The following PSMD8 variants were observed in gnomAD, a reference collection of about 807,000 sequenced individuals.
PSMD8 encodes the protein proteasome 26S subunit, non-ATPase 8, also known as 26S proteasome non-ATPase regulatory subunit 8.
A neutral mutation model predicts 40.0 loss-of-function variants in PSMD8; 30 were observed. The ratio of observed to expected loss-of-function variants is 0.75; its 90% CI spans 0.56 to 1.02. The LOEUF (loss-of-function observed/expected upper bound fraction) is 1.02. Ranked by LOEUF, PSMD8 falls within the 50% of genes least tolerant of loss-of-function variation. PSMD8 has a pLI of 0.00. For synonymous variants in PSMD8, 208 were observed against 192.5 expected (o/e 1.08, Z -0.67); for missense variants, 461 against 463.9 (o/e 0.99, Z 0.06).
At chr19:38,378,954 A>C (rs1222851845) in intron 3 of PSMD8, among the ~76,000 whole-genome samples, 1 of 152,230 alleles carries the variant, frequency 6.6e-6, no homozygotes, top group Non-Finnish European at 1.5e-5. Context: ...CTCCTTCTCA[A>C]AAAATAAATA....
At chr19:38,375,596 G>T (rs946621412) in intron 1 of PSMD8, 1 of 175,546 alleles carries the variant, frequency 5.7e-6, no homozygotes, top group African/African-American at 2.4e-5. Context: ...TGTTGGGAGA[G>T]GGGGCAGCCT....
Position 38,383,279 on chromosome 19 carries a change from C to A in PSMD8, c.942C>A (p.Asn314Lys), listed in dbSNP as rs1405026581. 1 of 1,613,306 alleles carries A rather than the reference C, an allele frequency of 6.2e-7. No homozygotes were observed. The highest frequency in any genetic ancestry group is 1.1e-5 in the South Asian group (1 of 91,046). ...GAGGGTGGGTCCTGGGCCCCAACAA[C>A]TACTACAGTTTTGCCAGCCAGCAGC... ...KKRGWVLGPN[N>K]YYSFASQQQK... The change falls in exon 7 of 7, where the codon AAC (asparagine) becomes AAA (lysine). Residue 314 changes from asparagine to lysine, a missense_variant. By Grantham distance (94) the Asn-to-Lys change is moderately conservative (BLOSUM62 0). Around this residue, in one of 2 missense-constraint regions of PSMD8, gnomAD observed 236 missense variants for 321.2 expected, o/e 0.73. Transcript: ENST00000215071.
chr19:38,376,885 C>T lies in PSMD8; in HGVS notation c.536+431C>T, dbSNP rs866546206. 2.0e-5 allele frequency among the ~76,000 whole-genome samples: 3 copies of T among 152,234 alleles called. 1 individual carries two copies. The South Asian group carries it at 6.2e-4, about 32-fold the overall frequency. Reference sequence around the variant, plus strand: ...GCAGTTCCAGCTCACACCCCTCTGCCTGTGCCTGCTCATCCCAGCCCTTTC... The same window carrying T: ...GCAGTTCCAGCTCACACCCCTCTGCTTGTGCCTGCTCATCCCAGCCCTTTC... On this transcript the variant is annotated intron_variant, in intron 3 of 6. Transcript: ENST00000215071.
At position 38,381,057 on chromosome 19, in the gene PSMD8, A is replaced by G. The variant is rs1224110170; in HGVS notation, c.803+58A>G. 3.8e-6 allele frequency: 5 copies of G among 1,319,534 alleles called. No individual in the cohort carries two copies. The African/African-American group carries it at 7.4e-5, about 20-fold the overall frequency. 81.7% of individuals were successfully genotyped at this position (1,319,534 alleles called of 1,614,324 possible). A position where few individuals can be genotyped will look rare whatever the true frequency, so the allele number is the denominator to read the frequency against. ...GAAAGAACTTGGGCTTGAGTCGGAC[A>G]GCTCCGAGTCTGAATCTCATTCCAG... is the stretch of plus-strand genomic sequence containing the variant. On this transcript the variant is annotated intron_variant, in intron 5 of 6. Transcript: ENST00000215071.
intron 3 of PSMD8, among the ~76,000 whole-genome samples, chr19:38,376,779 T>A (rs1350869377): frequency 1.3e-5 from 2 of 152,234 alleles, no homozygotes; most frequent in African/African-American, 4.8e-5. Flanking sequence ...AATTTGACAC[T>A]GTCCATACCC....
chr19:38,375,120 A>T (rs951602182), intron 1 of PSMD8, 159 bp downstream of exon 1: 26 of 1,237,138 alleles, frequency 2.1e-5, no homozygotes, highest in Non-Finnish European at 2.7e-5. Context: ...GGAACAGCCA[A>T]AGTGGGGGCT....
rs774765995 is a variant in PSMD8 at position 38,374,844 on chromosome 19, G to A, written c.243G>A (p.Ala81=). 9.5e-6 allele frequency: 15 copies of A among 1,578,770 alleles called. No homozygotes were observed. The Admixed American group carries it at 2.6e-4, about 28-fold the overall frequency. The part of the protein sequence containing the change: ...GAAGFSSSGP[A]ATSGAVLQAA... ...CAGGCTTCTCGAGCTCCGGGCCCGC[G>A]GCAACCTCGGGCGCTGTTCTGCAGG... Residue 81 remains alanine (A), a synonymous_variant, in exon 1 of 7, where the codon GCG becomes GCA. Transcript: ENST00000215071.
intron 3 of PSMD8, among the ~76,000 whole-genome samples, chr19:38,377,780 C>T (rs1445429472): frequency 1.3e-5 from 2 of 152,156 alleles, no homozygotes; most frequent in Non-Finnish European, 2.9e-5. Flanking sequence ...GCTGGTATTA[C>T]AGGTGCCCAC....
chr19:38,376,912 C>T (rs1353253927), intron 3 of PSMD8, among the ~76,000 whole-genome samples: 1 of 152,256 alleles, frequency 6.6e-6, no homozygotes, highest in Non-Finnish European at 1.5e-5. Context: ...AGCCCTTTCT[C>T]TCACTGGACT....
intron 1 of PSMD8, chr19:38,375,240 C>A: frequency 2.1e-6 from 1 of 482,856 alleles, no homozygotes; most frequent in Non-Finnish European, 3.7e-6. Flanking sequence ...CCCAGGAGTT[C>A]AAGATCAGCC....
intron 3 of PSMD8, 54 bp from the exon 4 acceptor site, chr19:38,379,186 G>A (rs1025014496): frequency 4.5e-6 from 7 of 1,561,330 alleles, no homozygotes; most frequent in Non-Finnish European, 6.1e-6. Flanking sequence ...GGGGTAGAGG[G>A]CTCGCTAGGC....
At chr19:38,375,130 T>A in intron 1 of PSMD8, 169 bp downstream of exon 1, 1 of 1,145,024 alleles carries the variant, frequency 8.7e-7, no homozygotes, top group Non-Finnish European at 1.2e-6. Context: ...AAGTGGGGGC[T>A]CGGAGGGCGT....
intron 1 of PSMD8, 111 bp downstream of exon 1, chr19:38,375,072 C>T: frequency 2.0e-6 from 3 of 1,468,656 alleles, no homozygotes; most frequent in Non-Finnish European, 2.7e-6. Context: ...GCCAGCGAGA[C>T]TGAGGCGGGC....
At chr19:38,378,440 A>G (rs1970614296) in intron 3 of PSMD8, among the ~76,000 whole-genome samples, 1 of 150,900 alleles carries the variant, frequency 6.6e-6, no homozygotes, top group Non-Finnish European at 1.5e-5. Context: ...CCGAGGAGGC[A>G]GAGCCTGCAG....
Position 38,379,273 on chromosome 19 carries a change from G to C in PSMD8, c.570G>C (p.Gln190His). 6.2e-7 allele frequency: 1 copy of C among 1,613,936 alleles called. No homozygotes were observed. Among genetic ancestry groups the C allele is most frequent in the Non-Finnish European group, 8.5e-7 (1 of 1,179,872 alleles). ...TCCCCGAGTCAGCCTATATGCACCA[G>C]CTCTTGGGCCTCAACCTCCTCTTCC... ...EQLPESAYMH[Q>H]LLGLNLLFLL... is the part of the protein sequence containing the mutation. Residue 190 changes from glutamine (Q) to histidine (H), a missense_variant, in exon 4 of 7, where the codon CAG becomes CAC. Gln to His is a conservative substitution (Grantham distance 24, BLOSUM62 0). Transcript: ENST00000215071.
chr19:38,375,162 G>T (rs1382277801), intron 1 of PSMD8: 5 of 913,942 alleles, frequency 5.5e-6, no homozygotes, highest in Non-Finnish European at 8.0e-6. Flanking sequence ...AGAGGGACAG[G>T]GAGCGTTGAT....
At chr19:38,375,097 G>C in intron 1 of PSMD8, 136 bp downstream of exon 1, 2 of 1,397,314 alleles carry the variant, frequency 1.4e-6, no homozygotes, top group Non-Finnish European at 1.9e-6. Flanking sequence ...GGATCCGATG[G>C]GGTGAAAGAT....
chr19:38,374,829 G>T lies in PSMD8; in HGVS notation c.228G>T (p.Ser76=). The change falls in exon 1 of 7, where the codon TCG becomes TCT. Residue 76 remains serine (S), a synonymous_variant. Transcript: ENST00000215071. ...CGGTGAACGGGGCGGCAGGCTTCTC[G>T]AGCTCCGGGCCCGCGGCAACCTCGG... ...AAAVNGAAGF[S]SSGPAATSGA... 3 of 1,575,234 alleles carry T rather than the reference G, an allele frequency of 1.9e-6. No individual in the cohort carries two copies. In the South Asian group the frequency reaches 3.4e-5, roughly 18 times the overall value.
rs1438252113 is a variant in PSMD8 at position 38,375,119 on chromosome 19, A to G, written c.360+158A>G. ...ATGGGGTGAAAGATTTGGAACAGCC[A>G]AAGTGGGGGCTCGGAGGGCGTCAAG... On this transcript the variant is annotated intron_variant, in intron 1 of 6. Coordinates refer to ENST00000215071, the MANE Select transcript of PSMD8 (RefSeq NM_002812.5). The G allele has an allele frequency of 1.8e-5, 22 of 1,247,244 alleles. 1 individual carries two copies. In the Middle Eastern group the frequency reaches 3.8e-3, roughly 218 times the overall value. 77.3% of individuals were successfully genotyped at this position (1,247,244 alleles called of 1,614,324 possible).
Sources: gnomAD v4.1 joint callset for allele counts (sites outside exome capture counted in the v4.1 genomes callset) on GRCh38, gnomAD v4.1.1 for gene constraint, gnomAD v4.1.1 regional missense constraint, MANE v1.5 for transcripts, NCBI Gene and HGNC (gene_info 2026-07-23, HGNC 2026-07-21) for gene names.